DPY19L2: variants seen among roughly 807,000 people sequenced by gnomAD.
DPY19L2 encodes the protein probable C-mannosyltransferase DPY19L2.
DPY19L2 carries 34 observed loss-of-function variants against 97.9 expected under a neutral mutation model. The ratio of observed to expected loss-of-function variants is 0.35; its 90% CI spans 0.26 to 0.46. The LOEUF (loss-of-function observed/expected upper bound fraction) is 0.46. Among genes scored for constraint, DPY19L2 ranks in the 20% least tolerant of loss-of-function variants. DPY19L2 has a pLI of 1.00. For synonymous variants in DPY19L2, 230 were observed against 307.9 expected, an observed-to-expected ratio of 0.75 and a Z score of 2.65; for missense variants, 623 against 911.4, an observed-to-expected ratio of 0.68 and a Z score of 4.07.
At chr12:63,580,365 G>A (rs1399138597) in intron 19 of DPY19L2, among the ~76,000 whole-genome samples, 4 of 152,100 alleles carry the variant, frequency 2.6e-5, no homozygotes, top group African/African-American at 9.7e-5. Flanking sequence ...CTATAATGCT[G>A]TCTGAGAGTT....
At chr12:63,630,816 A>C (rs2137930174) in intron 6 of DPY19L2, among the ~76,000 whole-genome samples, 1 of 152,306 alleles carries the variant, frequency 6.6e-6, no homozygotes, top group African/African-American at 2.4e-5. Context: ...CATAGTTGGA[A>C]GTAAAGCACT....
In DPY19L2 at chr12:63,668,333, C is replaced by G; in HGVS notation, c.61G>C (p.Gly21Arg). The G allele has an allele frequency of 6.2e-7, 1 of 1,613,914 alleles. No individual in the cohort carries two copies. The highest frequency in any genetic ancestry group is 8.5e-7 in the Non-Finnish European group (1 of 1,179,958). ...LQSSGRSQSK[G>R]RRGASLAREP... Reference sequence around the variant, plus strand: ...CGGGCGAGGGAGGCCCCGCGCCGCCCCTTAGACTGGCTGCGGCCGGAAGAT... The same window carrying G: ...CGGGCGAGGGAGGCCCCGCGCCGCCGCTTAGACTGGCTGCGGCCGGAAGAT... Residue 21 changes from glycine (G) to arginine (R), a missense_variant, in exon 1 of 22, where the codon GGG becomes CGG. This residue lies in a region of DPY19L2 where 144 missense variants were observed against 119.4 expected (regional missense o/e 1.21). Transcript: ENST00000324472.
At chr12:63,623,704 A>G (rs1889072855) in intron 8 of DPY19L2, 1 of 222,176 alleles carries the variant, frequency 4.5e-6, no homozygotes, top group Admixed American at 5.0e-5. Context: ...TATATGTAAT[A>G]TATATATTTA....
chr12:63,635,138 T>A (rs1891424951), intron 6 of DPY19L2, among the ~76,000 whole-genome samples: 1 of 152,196 alleles, frequency 6.6e-6, no homozygotes, highest in African/African-American at 2.4e-5. Context: ...TCCACTGCTC[T>A]GCAGCATCCA....
chr12:63,653,654 G>A (rs1894579555), intron 4 of DPY19L2, among the ~76,000 whole-genome samples: 1 of 152,034 alleles, frequency 6.6e-6, no homozygotes. Flanking sequence ...TCAAGAAGCT[G>A]AGCAAATCTC....
At chr12:63,582,689 C>T (rs1881144554) in intron 17 of DPY19L2, among the ~76,000 whole-genome samples, 164 bp from the exon 18 acceptor site, 1 of 152,132 alleles carries the variant, frequency 6.6e-6, no homozygotes, top group Admixed American at 6.5e-5. Context: ...TACTATGTTC[C>T]AGGTACTCTT....
intron 11 of DPY19L2, among the ~76,000 whole-genome samples, chr12:63,615,836 A>C (rs1234643721): frequency 6.6e-6 from 1 of 152,106 alleles, no homozygotes; most frequent in African/African-American, 2.4e-5. Flanking sequence ...ATGGTAGTTT[A>C]AGAATGTTTG....
intron 12 of DPY19L2, among the ~76,000 whole-genome samples, chr12:63,600,939 C>T (rs1213891568): frequency 2.0e-5 from 3 of 151,918 alleles, no homozygotes; most frequent in Non-Finnish European, 4.4e-5. Flanking sequence ...GCACCCACCA[C>T]CATGCCCGGC....
chr12:63,639,229 T>C (rs955361929), intron 6 of DPY19L2, among the ~76,000 whole-genome samples: 2 of 152,298 alleles, frequency 1.3e-5, no homozygotes, highest in African/African-American at 4.8e-5. Context: ...ACTTAAATGT[T>C]AGACCTAAAA....
intron 6 of DPY19L2, among the ~76,000 whole-genome samples, chr12:63,637,799 T>C (rs1565818691): frequency 6.6e-6 from 1 of 152,096 alleles, no homozygotes; most frequent in Non-Finnish European, 1.5e-5. Context: ...ACTGGTACCA[T>C]TCCTTCTGAA....
chr12:63,572,211 A>G (rs1878998609), intron 19 of DPY19L2, among the ~76,000 whole-genome samples: 2 of 152,112 alleles, frequency 1.3e-5, no homozygotes, highest in Non-Finnish European at 2.9e-5. Flanking sequence ...GGTGAGTTCC[A>G]GGCCTGGCAG....
At chr12:63,649,191 GA>G (rs1327794577) in intron 4 of DPY19L2, among the ~76,000 whole-genome samples, 1 of 152,070 alleles carries the variant, frequency 6.6e-6, no homozygotes, top group Non-Finnish European at 1.5e-5. Context: ...GTGTTAAGAG[GA>G]AAATTTACAG....
intron 11 of DPY19L2, among the ~76,000 whole-genome samples, chr12:63,611,194 A>T (rs1184059154): frequency 1.3e-5 from 2 of 152,164 alleles, no homozygotes; most frequent in East Asian, 3.9e-4. Flanking sequence ...TACACAGAAG[A>T]GTTTGCTTCA....
chr12:63,611,503 A>G (rs4105522), intron 11 of DPY19L2, among the ~76,000 whole-genome samples: 91,828 of 150,458 alleles, frequency 0.61, 28,695 homozygotes, highest in African/African-American at 0.74. Context: ...AGCAGGTGGA[A>G]GCACTGAGGC....
rs755975116 is a variant in DPY19L2 at position 63,580,693 on chromosome 12, A to G, written c.1869T>C (p.Leu623=). 1.9e-6 allele frequency: 3 copies of G among 1,613,092 alleles called. No homozygotes were observed. Among genetic ancestry groups the G allele is most frequent in the Non-Finnish European group, 2.5e-6 (3 of 1,179,498 alleles). ...TGGTACTGTATTTGATCCACTGTAA[A>G]AGTTCTTCCTGAGGCAAATTATTAA... ...GEFNNLPQEE[L]LQWIKYSTTS... Residue 623 remains leucine, a synonymous_variant, in exon 19 of 22, where the codon CTT becomes CTC. Coordinates refer to ENST00000324472, the MANE Select transcript of DPY19L2 (RefSeq NM_173812.5).
intron 16 of DPY19L2, among the ~76,000 whole-genome samples, chr12:63,592,552 T>C (rs1883299243): frequency 6.7e-6 from 1 of 150,222 alleles, no homozygotes; most frequent in African/African-American, 2.5e-5. Flanking sequence ...GATTCCCTAT[T>C]TAATAAATGG....
intron 7 of DPY19L2, among the ~76,000 whole-genome samples, chr12:63,624,492 G>A (rs140759340): frequency 0.028 from 4,215 of 152,008 alleles, 361 homozygotes; most frequent in East Asian, 0.27. Flanking sequence ...CAGGCTTTGG[G>A]ATATATGCAT....
intron 6 of DPY19L2, among the ~76,000 whole-genome samples, chr12:63,643,008 G>A (rs1443474001): frequency 2.0e-5 from 3 of 151,702 alleles, no homozygotes; most frequent in Admixed American, 2.0e-4. Context: ...GGAATATCAT[G>A]CTTTTAATGC....
chr12:63,637,976 C>A (rs558598888), intron 6 of DPY19L2, among the ~76,000 whole-genome samples: 4 of 152,022 alleles, frequency 2.6e-5, no homozygotes, highest in African/African-American at 4.8e-5. Context: ...ATTGGCAAAC[C>A]GAATCCAGCA....
Sources: gnomAD v4.1 joint callset for allele counts (sites outside exome capture counted in the v4.1 genomes callset) on GRCh38, gnomAD v4.1.1 for gene constraint, gnomAD v4.1.1 regional missense constraint, MANE v1.5 for transcripts, NCBI Gene and HGNC (gene_info 2026-07-23, HGNC 2026-07-21) for gene names.